Variants in CFAP46 observed in about 807,000 individuals in gnomAD.
CFAP46 encodes cilia- and flagella-associated protein 46.
A neutral mutation model predicts 325.7 loss-of-function variants in CFAP46; 245 were observed. That is an observed-to-expected ratio of 0.75 (90% CI 0.68 to 0.84). CFAP46 has a LOEUF of 0.84. CFAP46 is among the 40% of genes least tolerant of loss of function. The pLI, the probability that CFAP46 is intolerant of heterozygous loss-of-function variation, is 0.00. For synonymous variants in CFAP46, 1,523 were observed against 1,495.9 expected, an observed-to-expected ratio of 1.02 and a Z score of -0.42; for missense variants, 3,346 against 3,543.0, an observed-to-expected ratio of 0.94 and a Z score of 1.41.
At chr10:132,838,122 C>T (rs140979847) in intron 44 of CFAP46, among the ~76,000 whole-genome samples, 27 of 152,350 alleles carry the variant, frequency 1.8e-4, no homozygotes, top group Non-Finnish European at 2.9e-4. Context: ...AGCTCCGGCC[C>T]GTCCGCTCCC....
At chr10:132,891,931 G>C (rs1849259274) in intron 25 of CFAP46, among the ~76,000 whole-genome samples, 1 of 152,198 alleles carries the variant, frequency 6.6e-6, no homozygotes, top group Non-Finnish European at 1.5e-5. Context: ...GTCTCTGCCT[G>C]TAACTCCTGT....
rs191827171 is a variant in CFAP46 at position 132,876,830 on chromosome 10, G to A, written c.4344C>T (p.Pro1448=). ...KQDRSDSTVN[P]SSIQKPTYSL... is the part of the protein sequence containing the mutation. ...AACGTACCGGCTTCTGGATACTTGA[G>A]GGGTTCACAGTAGAGTCACTTCTGT... Residue 1448 remains proline (P), a synonymous_variant, in exon 31 of 58, where the codon CCC becomes CCT. Coordinates refer to ENST00000368586, the MANE Select transcript of CFAP46 (RefSeq NM_001200049.3). This position sits in a 1 kb window ranked among gnomAD's most constrained non-coding sequence, Gnocchi z 4.1. The A allele has an allele frequency of 3.2e-6, 5 of 1,549,906 alleles. No homozygotes were observed. In the Admixed American group the frequency reaches 5.9e-5, roughly 18 times the overall value.
rs1388374420 is a variant in CFAP46 at position 132,857,782 on chromosome 10, A to G, written c.5382T>C (p.Arg1794=). ...KLERAKIKRL[R]AQNEKDEEQK... is the part of the protein sequence containing the mutation. Reference sequence around the variant, plus strand: ...GTTCTTCATCTTTCTCGTTCTGGGCACGTAACCTTTATAAGACATAAGAAT... The same window carrying G: ...GTTCTTCATCTTTCTCGTTCTGGGCGCGTAACCTTTATAAGACATAAGAAT... Residue 1794 remains arginine, a synonymous_variant, in exon 39 of 58, where the codon CGT becomes CGC. Coordinates refer to ENST00000368586, the MANE Select transcript of CFAP46 (RefSeq NM_001200049.3). 10 of 1,541,108 alleles carry G rather than the reference A, an allele frequency of 6.5e-6. No homozygotes were observed. The highest frequency in any genetic ancestry group is 2.8e-5 in the African/African-American group (2 of 71,954).
intron 25 of CFAP46, among the ~76,000 whole-genome samples, chr10:132,888,635 G>A (rs868029554): frequency 4.2e-5 from 3 of 71,850 alleles, no homozygotes; most frequent in Admixed American, 1.4e-4. Flanking sequence ...CACCCCTGCC[G>A]CCTGCACCCC....
chr10:132,834,844 G>T (rs1055447672), intron 47 of CFAP46, 69 bp from the exon 48 acceptor site: 6 of 1,528,126 alleles, frequency 3.9e-6, no homozygotes, highest in African/African-American at 1.4e-5. Flanking sequence ...CGAGGGCCAG[G>T]CCCCTGCAGA....
At chr10:132,850,173 T>C in intron 41 of CFAP46, 71 bp downstream of exon 41, 1 of 1,459,570 alleles carries the variant, frequency 6.9e-7, no homozygotes, top group Non-Finnish European at 9.4e-7. Context: ...TCCTAAACAC[T>C]TCGCTTGTGT....
chr10:132,845,677 G>A (rs971547617), intron 44 of CFAP46, among the ~76,000 whole-genome samples: 5 of 152,262 alleles, frequency 3.3e-5, no homozygotes, highest in African/African-American at 1.2e-4. Context: ...TGAACCCTTA[G>A]ACCTGACCAA....
chr10:132,851,324 C>A lies in CFAP46; in HGVS notation c.5575-19G>T. On this transcript the variant is annotated intron_variant, in intron 39 of 57. Coordinates refer to ENST00000368586, the MANE Select transcript of CFAP46 (RefSeq NM_001200049.3). The stretch of plus-strand genomic sequence containing the variant: ...TCTGCAACTGAGGGGGTCAGGCATG[C>A]CTCTGAAGCATGGAAGCTTCTGGTA... 1 of 1,606,352 alleles carries A rather than the reference C, an allele frequency of 6.2e-7. No homozygotes were observed. Among genetic ancestry groups the A allele is most frequent in the Admixed American group, 1.7e-5 (1 of 59,150 alleles).
rs984999676 is a variant in CFAP46 at position 132,884,626 on chromosome 10, G to C, written c.3627+477C>G. Among the ~76,000 whole-genome samples the C allele has an allele frequency of 6.6e-6, 1 of 152,130 alleles. No individual in the cohort carries two copies. The highest frequency in any genetic ancestry group is 6.5e-5 in the Admixed American group (1 of 15,278). On this transcript the variant is annotated intron_variant, in intron 27 of 57. Transcript: ENST00000368586. This position sits in a 1 kb window ranked among gnomAD's most constrained non-coding sequence, Gnocchi z 5.4. ...CACCTCCTCCTGAGCCCACCCCAAG[G>C]GGAACGTCCATCTCGCCTTCCTGGG...
chr10:132,906,504 G>A (rs372329470), intron 22 of CFAP46, among the ~76,000 whole-genome samples: 45 of 140,362 alleles, frequency 3.2e-4, no homozygotes, highest in Middle Eastern at 3.7e-3. Flanking sequence ...GGGTCCTGGC[G>A]CGTGATGCCC....
chr10:132,941,041 A>G lies in CFAP46; in HGVS notation c.326T>C (p.Val109Ala), dbSNP rs1391899557. The G allele has an allele frequency of 6.2e-7, 1 of 1,614,174 alleles. No individual in the cohort carries two copies. The change falls in exon 4 of 58, where the codon GTG becomes GCG. Residue 109 changes from valine to alanine, a missense_variant. Physicochemically the swap from Val to Ala is moderately conservative, Grantham distance 64. Coordinates refer to ENST00000368586, the MANE Select transcript of CFAP46 (RefSeq NM_001200049.3). The stretch of plus-strand genomic sequence containing the variant: ...GTTTATGGCCTTCATGTACTCAGTC[A>G]CGCAATTTTCAAATTCCTCCTAAGG... ...AENLEEFENCVTEYMKAINFA... is the reference protein window; with the variant it reads ...AENLEEFENCATEYMKAINFA...
intron 4 of CFAP46, among the ~76,000 whole-genome samples, 187 bp downstream of exon 4, chr10:132,940,809 G>A (rs759024709): frequency 4.6e-5 from 7 of 152,330 alleles, no homozygotes; most frequent in South Asian, 2.1e-4. Context: ...GCTGTTACTC[G>A]GAATTCGGCA....
chr10:132,893,833 C>T (rs1410382672), intron 24 of CFAP46, among the ~76,000 whole-genome samples: 1 of 152,208 alleles, frequency 6.6e-6, no homozygotes, highest in Non-Finnish European at 1.5e-5. Context: ...CAGTTGAAGT[C>T]TTTCTTCTGA....
Position 132,867,363 on chromosome 10 carries a change from C to T in CFAP46, c.4743+12G>A, listed in dbSNP as rs748872474. Reference sequence around the variant, plus strand: ...GGCTGCGGGTCAGAGGGATTCTGGACGGTGAGGTTACCTTGTCCTTGGCGT... The same window carrying T: ...GGCTGCGGGTCAGAGGGATTCTGGATGGTGAGGTTACCTTGTCCTTGGCGT... On this transcript the variant is annotated intron_variant, in intron 34 of 57. Transcript: ENST00000368586. 92 of 1,546,946 alleles carry T rather than the reference C, an allele frequency of 5.9e-5. No individual in the cohort carries two copies. The highest frequency in any genetic ancestry group is 3.7e-5 in the Non-Finnish European group (42 of 1,146,222).
chr10:132,920,942 T>C (rs1406054331), intron 13 of CFAP46, among the ~76,000 whole-genome samples: 3 of 152,246 alleles, frequency 2.0e-5, no homozygotes, highest in African/African-American at 7.2e-5. Flanking sequence ...GTCTGGGTCC[T>C]ACTGGTGGAT....
At position 132,860,929 on chromosome 10, in the gene CFAP46, C is replaced by CAACT. The variant is rs1564782240; in HGVS notation, c.4940_4943dup (p.Ala1649ValfsTer25). 6.4e-7 allele frequency: 1 copy of CAACT among 1,550,706 alleles called. No individual in the cohort carries two copies. Among genetic ancestry groups the CAACT allele is most frequent in the Admixed American group, 2.0e-5 (1 of 51,014 alleles). On this transcript the variant is annotated frameshift_variant, in exon 36 of 58. Coordinates refer to ENST00000368586, the MANE Select transcript of CFAP46 (RefSeq NM_001200049.3). LOFTEE classifies it high-confidence loss of function. Reference sequence around the variant, plus strand: ...GTCCATAGTTTTTCTCCTTGTTGGCCAACTGTGCGAGGAGGAGCAGGCACT... The same window carrying CAACT: ...GTCCATAGTTTTTCTCCTTGTTGGCCAACTAACTGTGCGAGGAGGAGCAGGCACT...
At chr10:132,881,920 T>A (rs1181562071) in intron 27 of CFAP46, among the ~76,000 whole-genome samples, 2 of 152,250 alleles carry the variant, frequency 1.3e-5, no homozygotes, top group East Asian at 3.8e-4. Flanking sequence ...GCATCAGCTG[T>A]CACAAGCAGG....
chr10:132,898,673 G>A, intron 24 of CFAP46: 1 of 492,732 alleles, frequency 2.0e-6, no homozygotes, highest in South Asian at 2.0e-5. Flanking sequence ...GGCAGGGACT[G>A]TGCTGGCCTC....
intron 27 of CFAP46, among the ~76,000 whole-genome samples, chr10:132,882,608 G>A (rs979956472): frequency 6.6e-6 from 1 of 151,954 alleles, no homozygotes; most frequent in Admixed American, 6.6e-5. Flanking sequence ...CGGGTGGGGG[G>A]TCTGGGCTAG....
Sources: gnomAD v4.1 joint callset for allele counts (sites outside exome capture counted in the v4.1 genomes callset) on GRCh38, gnomAD v4.1.1 for gene constraint, Gnocchi (gnomAD v3.1) non-coding constraint, MANE v1.5 for transcripts, NCBI Gene and HGNC (gene_info 2026-07-23, HGNC 2026-07-21) for gene names.